The following GLRA1 variants were observed in gnomAD, a reference collection of about 807,000 sequenced individuals.
GLRA1 encodes glycine receptor subunit alpha-1.
A neutral mutation model predicts 48.3 loss-of-function variants in GLRA1; 37 were observed. The observed-to-expected ratio is 0.77, with a 90% confidence interval of 0.59 to 1.01. The LOEUF (loss-of-function observed/expected upper bound fraction) is 1.01, where lower values mean the gene tolerates loss of function less well. Ranked by LOEUF, GLRA1 falls within the 50% of genes least tolerant of loss-of-function variation. The pLI is 0.00. For synonymous variants in GLRA1, 196 were observed against 210.7 expected, an observed-to-expected ratio of 0.93 and a Z score of 0.60; for missense variants, 427 against 571.0, an observed-to-expected ratio of 0.75 and a Z score of 2.57.
intron 3 of GLRA1, among the ~76,000 whole-genome samples, chr5:151,868,294 T>C (rs1753388124): frequency 6.6e-6 from 1 of 152,230 alleles, no homozygotes; most frequent in Non-Finnish European, 1.5e-5. Flanking sequence ...TTCCTGCTGC[T>C]AGTTACTGGT....
At position 151,850,358 on chromosome 5, in the gene GLRA1, A is replaced by G. The variant is rs1752867841; in HGVS notation, c.912+1032T>C. ...TGGGCTGTTTCATTTTGCATCATGT[A>G]TGTGAAGACTTTGGAGTGATAGCAA... is the stretch of plus-strand genomic sequence containing the variant. On this transcript the variant is annotated intron_variant, in intron 7 of 8. Coordinates refer to ENST00000274576, the MANE Select transcript of GLRA1 (RefSeq NM_000171.4). 5 of 1,411,460 alleles carry G rather than the reference A, an allele frequency of 3.5e-6. No individual in the cohort carries two copies. The Admixed American group carries it at 6.7e-5, about 19-fold the overall frequency. 87.4% of individuals were successfully genotyped at this position (1,411,460 alleles called of 1,614,324 possible). A position where few individuals can be genotyped will look rare whatever the true frequency, so the allele number is the denominator to read the frequency against.
chr5:151,833,327 A>G (rs571853046), intron 7 of GLRA1, among the ~76,000 whole-genome samples: 2 of 152,208 alleles, frequency 1.3e-5, no homozygotes, highest in Non-Finnish European at 2.9e-5. Flanking sequence ...AACAGGCAAA[A>G]TGCCCCAGTT....
rs116110794 is a variant in GLRA1, at chr5:151,838,552, G to A, written c.913-9485C>T. Reference sequence around the variant, plus strand: ...ACTGAAATGAAAACTTCACTAGATGGAATCAACAGTAGATTTAAGAAGACA... The same window carrying A: ...ACTGAAATGAAAACTTCACTAGATGAAATCAACAGTAGATTTAAGAAGACA... On this transcript the variant is annotated intron_variant, in intron 7 of 8. Coordinates refer to ENST00000274576, the MANE Select transcript of GLRA1 (RefSeq NM_000171.4). Among the ~76,000 whole-genome samples, 800 of 152,156 alleles carry A rather than the reference G, an allele frequency of 5.3e-3. 9 individuals carry two copies. Among genetic ancestry groups the A allele is most frequent in the African/African-American group, 0.018 (753 of 41,510 alleles).
intron 7 of GLRA1, among the ~76,000 whole-genome samples, chr5:151,837,542 G>A (rs1581603986): frequency 6.6e-6 from 1 of 152,152 alleles, no homozygotes; most frequent in African/African-American, 2.4e-5. Context: ...GTTCACAATA[G>A]CAAAGCCTTG....
At chr5:151,893,516 C>G (rs960937897) in intron 1 of GLRA1, among the ~76,000 whole-genome samples, 1 of 152,102 alleles carries the variant, frequency 6.6e-6, no homozygotes, top group Middle Eastern at 3.4e-3. Flanking sequence ...CCTTGCCCCC[C>G]ACTACCCGAC....
intron 1 of GLRA1, among the ~76,000 whole-genome samples, chr5:151,917,504 T>A (rs1382345318): frequency 1.3e-5 from 2 of 152,136 alleles, no homozygotes; most frequent in African/African-American, 4.8e-5. Context: ...ACTTGATGAG[T>A]TTAGAGACAA....
chr5:151,831,188 C>G (rs374382742), intron 7 of GLRA1, among the ~76,000 whole-genome samples: 39 of 152,372 alleles, frequency 2.6e-4, no homozygotes, highest in South Asian at 1.2e-3. Flanking sequence ...CCTGTGCCAC[C>G]AGGGCCCTGG....
At chr5:151,906,852 A>C (rs180779597) in intron 1 of GLRA1, among the ~76,000 whole-genome samples, 4 of 152,336 alleles carry the variant, frequency 2.6e-5, no homozygotes, top group African/African-American at 9.6e-5. Context: ...TACCTTCTAC[A>C]GCCCACTGAC....
At chr5:151,917,532 C>T (rs1423227994) in intron 1 of GLRA1, among the ~76,000 whole-genome samples, 1 of 152,130 alleles carries the variant, frequency 6.6e-6, no homozygotes, top group Non-Finnish European at 1.5e-5. Context: ...CTCATGAAAC[C>T]ATCACCATAA....
In GLRA1 at chr5:151,881,492, A is replaced by ATTT. The variant is rs3033233; in HGVS notation, c.252+5226_252+5228dup. ...CAAGCATGTGCCACCATGCCCTGCA[A>ATTT]TTTTTTTTTTTTTTTTTTTTTTTTA... On this transcript the variant is annotated intron_variant, in intron 3 of 8. Coordinates refer to ENST00000274576, the MANE Select transcript of GLRA1 (RefSeq NM_000171.4). Among the ~76,000 whole-genome samples the ATTT allele has an allele frequency of 1.1e-3, 129 of 116,828 alleles. 2 individuals carry two copies. The East Asian group carries it at 0.011, about 10-fold the overall frequency. 76.6% of individuals were successfully genotyped at this position (116,828 alleles called of 152,430 possible).
rs564355179 is a variant in GLRA1 at position 151,873,430 on chromosome 5, G to A, written c.252+13291C>T. ...AATCCCAGCACTTTGGGAGGCTGAC[G>A]GTGTGGATAGCTTGAGGTCAGGAAT... On this transcript the variant is annotated intron_variant, in intron 3 of 8. Transcript: ENST00000274576. Among the ~76,000 whole-genome samples the A allele has an allele frequency of 2.7e-5, 4 of 146,456 alleles. 1 individual carries two copies. The highest frequency in any genetic ancestry group is 1.9e-4 in the East Asian group (1 of 5,180).
Position 151,924,744 on chromosome 5 carries a change from T to A in GLRA1, c.-195A>T, listed in dbSNP as rs752875485. 1.5e-6 allele frequency: 1 copy of A among 653,768 alleles called. No individual in the cohort carries two copies. The highest frequency in any genetic ancestry group is 2.8e-6 in the Non-Finnish European group (1 of 360,410). The allele number at this position is 653,768 out of a possible 1,614,324, so 40.5% of individuals were successfully genotyped here. Reference sequence around the variant, plus strand: ...CGTAGATACCACGGACAGCGGCGGCTGCGAGGCGTTTCAGCACCACGGAGA... The same window carrying A: ...CGTAGATACCACGGACAGCGGCGGCAGCGAGGCGTTTCAGCACCACGGAGA... On this transcript the variant is annotated 5_prime_UTR_variant, in exon 1 of 9. Transcript: ENST00000274576.
chr5:151,831,664 A>C (rs1364750020), intron 7 of GLRA1, among the ~76,000 whole-genome samples: 1 of 152,186 alleles, frequency 6.6e-6, no homozygotes, highest in East Asian at 1.9e-4. Flanking sequence ...GGGCTTATAG[A>C]TAAAACTACC....
intron 1 of GLRA1, among the ~76,000 whole-genome samples, chr5:151,905,091 T>C (rs1376078588): frequency 1.3e-5 from 2 of 152,196 alleles, no homozygotes; most frequent in African/African-American, 4.8e-5. Context: ...ATGGAAACTG[T>C]CCAGTGGCAA....
At chr5:151,863,164 A>T (rs569111501) in intron 3 of GLRA1, among the ~76,000 whole-genome samples, 1 of 152,288 alleles carries the variant, frequency 6.6e-6, no homozygotes, top group East Asian at 1.9e-4. Flanking sequence ...GCATGTTGGG[A>T]GGCCAAGGTG....
chr5:151,902,721 A>G (rs1754392508), intron 1 of GLRA1, among the ~76,000 whole-genome samples: 1 of 152,212 alleles, frequency 6.6e-6, no homozygotes, highest in East Asian at 1.9e-4. Context: ...AATAACAGCC[A>G]GCCCTTATTG....
intron 3 of GLRA1, among the ~76,000 whole-genome samples, chr5:151,885,441 AAGGGACCC>A (rs1753875890): frequency 6.6e-6 from 1 of 152,214 alleles, no homozygotes; most frequent in South Asian, 2.1e-4. Flanking sequence ...GAATGGACAG[AAGGGACCC>A]ATCCCAGCCT....
intron 7 of GLRA1, 30 bp downstream of exon 7, chr5:151,851,360 T>G (rs368071687): frequency 4.2e-6 from 6 of 1,425,920 alleles, no homozygotes; most frequent in African/African-American, 1.4e-5. Flanking sequence ...TTTGTCCAGG[T>G]GTTCTGTGCT....
chr5:151,849,260 TTCTC>T (rs1276065174), intron 7 of GLRA1, among the ~76,000 whole-genome samples: 2 of 79,716 alleles, frequency 2.5e-5, no homozygotes, highest in East Asian at 7.2e-4. Flanking sequence ...CCTTCTTTCT[TTCTC>T]TCTCTCTCTC....
Sources: gnomAD v4.1 joint callset for allele counts (sites outside exome capture counted in the v4.1 genomes callset) on GRCh38, gnomAD v4.1.1 for gene constraint, MANE v1.5 for transcripts, NCBI Gene and HGNC (gene_info 2026-07-23, HGNC 2026-07-21) for gene names.